UBL3: variants seen among roughly 807,000 people sequenced by gnomAD.
The protein encoded by UBL3 is ubiquitin like 3.
In UBL3, 6 loss-of-function variants were observed where a neutral mutation model predicts 18.4. The ratio of observed to expected loss-of-function variants is 0.33; its 90% CI spans 0.18 to 0.64. The LOEUF (loss-of-function observed/expected upper bound fraction) is 0.64. Ranked by LOEUF, UBL3 falls within the 30% of genes least tolerant of loss-of-function variation. UBL3 has a pLI of 0.76. For synonymous variants in UBL3, 49 were observed against 46.6 expected, an observed-to-expected ratio of 1.05 and a Z score of -0.21; for missense variants, 109 against 142.9, an observed-to-expected ratio of 0.76 and a Z score of 1.21.
intron 1 of UBL3, among the ~76,000 whole-genome samples, chr13:29,783,788 G>T (rs956541335): frequency 6.6e-6 from 1 of 152,030 alleles, no homozygotes; most frequent in African/African-American, 2.4e-5. Flanking sequence ...TGCTTGTAGG[G>T]TAATGGGATC....
At chr13:29,817,544 T>C (rs992092163) in intron 1 of UBL3, among the ~76,000 whole-genome samples, 28 of 152,198 alleles carry the variant, frequency 1.8e-4, no homozygotes, top group African/African-American at 5.3e-4. Context: ...AGAGGCAAAA[T>C]AGCTGAAATG....
At chr13:29,802,617 A>G (rs1877801465) in intron 1 of UBL3, among the ~76,000 whole-genome samples, 2 of 152,246 alleles carry the variant, frequency 1.3e-5, no homozygotes, top group South Asian at 4.1e-4. Context: ...GACCAAACTG[A>G]TCTGATAGAG....
chr13:29,823,383 C>T (rs113651270), intron 1 of UBL3, among the ~76,000 whole-genome samples: 6,147 of 152,250 alleles, frequency 0.04, 259 homozygotes, highest in African/African-American at 0.11. Flanking sequence ...TCAGGTGATC[C>T]GCCCGCCTTC....
At chr13:29,793,730 C>T (rs758940670) in intron 1 of UBL3, among the ~76,000 whole-genome samples, 10 of 152,168 alleles carry the variant, frequency 6.6e-5, no homozygotes, top group Non-Finnish European at 8.8e-5. Context: ...GAGTAACTAA[C>T]ACCATAAAAC....
rs140592123 is a variant in UBL3, at chr13:29,782,793, A to G, written c.28-5530T>C. On this transcript the variant is annotated intron_variant, in intron 1 of 4. Transcript: ENST00000380680. Reference sequence around the variant, plus strand: ...ACTGCAACAGTAACTGTGTAAATACATAAGTCTAAAAATTTATCAAGTCTT... The same window carrying G: ...ACTGCAACAGTAACTGTGTAAATACGTAAGTCTAAAAATTTATCAAGTCTT... Among the ~76,000 whole-genome samples, 29 of 152,370 alleles carry G rather than the reference A, an allele frequency of 1.9e-4. No individual in the cohort carries two copies. In the East Asian group the frequency reaches 5.6e-3, roughly 29 times the overall value.
At chr13:29,803,653 C>T (rs11843018) in intron 1 of UBL3, among the ~76,000 whole-genome samples, 1,547 of 150,992 alleles carry the variant, frequency 0.01, 26 homozygotes, top group African/African-American at 0.036. Flanking sequence ...TAATTTCAGA[C>T]AAAACAGACT....
intron 1 of UBL3, among the ~76,000 whole-genome samples, chr13:29,839,138 A>T (rs1879031148): frequency 6.6e-6 from 1 of 152,186 alleles, no homozygotes; most frequent in Non-Finnish European, 1.5e-5. Context: ...TGAGTGATTT[A>T]AAAAAGACAA....
intron 1 of UBL3, among the ~76,000 whole-genome samples, chr13:29,797,428 C>T (rs936580684): frequency 6.6e-6 from 1 of 152,132 alleles, no homozygotes; most frequent in African/African-American, 2.4e-5. Flanking sequence ...GGTGAATCCC[C>T]CTAATCCTCT....
At chr13:29,771,990 G>T in intron 3 of UBL3, 122 bp downstream of exon 3, 1 of 833,818 alleles carries the variant, frequency 1.2e-6, no homozygotes. Flanking sequence ...CCAGAAATAG[G>T]CAGAATTCAT....
chr13:29,774,114 G>A (rs575424428), intron 2 of UBL3, among the ~76,000 whole-genome samples: 54 of 152,046 alleles, frequency 3.6e-4, no homozygotes, highest in South Asian at 1.7e-3. Flanking sequence ...GGAAATACTG[G>A]GAATCAAAAT....
intron 1 of UBL3, among the ~76,000 whole-genome samples, chr13:29,781,660 C>T (rs538395652): frequency 5.3e-5 from 8 of 151,724 alleles, no homozygotes; most frequent in Non-Finnish European, 1.0e-4. Context: ...GCCACCTTCT[C>T]AATTTTGCTG....
chr13:29,814,109 G>T (rs1045755858), intron 1 of UBL3, among the ~76,000 whole-genome samples: 2 of 151,998 alleles, frequency 1.3e-5, no homozygotes, highest in African/African-American at 4.8e-5. Flanking sequence ...AGTAGTTTTA[G>T]GTCTAATTTA....
chr13:29,823,785 G>A (rs182113507), intron 1 of UBL3, among the ~76,000 whole-genome samples: 161 of 152,114 alleles, frequency 1.1e-3, no homozygotes, highest in African/African-American at 3.8e-3. Flanking sequence ...GTATACATGT[G>A]CCATGTTGGT....
intron 1 of UBL3, among the ~76,000 whole-genome samples, chr13:29,817,201 A>G (rs1164372727): frequency 1.3e-5 from 2 of 152,232 alleles, no homozygotes; most frequent in East Asian, 3.8e-4. Flanking sequence ...TGGAGTAAAT[A>G]AATAAAAGCA....
chr13:29,803,447 C>T lies in UBL3; in HGVS notation c.28-26184G>A, dbSNP rs995919582. On this transcript the variant is annotated intron_variant, in intron 1 of 4. Coordinates refer to ENST00000380680, the MANE Select transcript of UBL3 (RefSeq NM_007106.4). ...CCACACATATCAATATTAACCTTGA[C>T]TGTAAATGGGTTAAATGCCCCAATT... Among the ~76,000 whole-genome samples the T allele has an allele frequency of 2.0e-5, 3 of 152,218 alleles. No individual in the cohort carries two copies. The East Asian group carries it at 5.8e-4, about 29-fold the overall frequency.
intron 1 of UBL3, among the ~76,000 whole-genome samples, chr13:29,824,280 CA>C (rs1263915302): frequency 9.2e-5 from 14 of 152,148 alleles, no homozygotes; most frequent in African/African-American, 2.9e-4. Context: ...GAGGAATCAC[CA>C]CACTGTCTTC....
At chr13:29,799,085 T>C (rs1877690035) in intron 1 of UBL3, among the ~76,000 whole-genome samples, 1 of 152,230 alleles carries the variant, frequency 6.6e-6, no homozygotes, top group African/African-American at 2.4e-5. Flanking sequence ...ACTGATATTT[T>C]AGACCAGATA....
At chr13:29,801,774 C>T (rs1457706650) in intron 1 of UBL3, among the ~76,000 whole-genome samples, 1 of 152,180 alleles carries the variant, frequency 6.6e-6, no homozygotes, top group Non-Finnish European at 1.5e-5. Context: ...CATTGCTCAA[C>T]GTCACCAGGC....
At chr13:29,819,154 T>C (rs1878360791) in intron 1 of UBL3, among the ~76,000 whole-genome samples, 1 of 152,228 alleles carries the variant, frequency 6.6e-6, no homozygotes, top group Non-Finnish European at 1.5e-5. Flanking sequence ...AGTTTTATTA[T>C]AATATTCTCT....
Sources: allele counts gnomAD v4.1 joint callset (sites outside exome capture counted in the v4.1 genomes callset), GRCh38; gene constraint gnomAD v4.1.1; transcripts MANE v1.5; gene names NCBI Gene and HGNC (gene_info 2026-07-23, HGNC 2026-07-21).